AGBL1: variants seen among roughly 807,000 people sequenced by gnomAD.
AGBL1 encodes AGBL carboxypeptidase 1.
A neutral mutation model predicts 118.9 loss-of-function variants in AGBL1; 130 were observed. The observed-to-expected ratio is 1.09, with a 90% CI of 0.95 to 1.26. AGBL1 has a LOEUF of 1.26. Among genes scored for constraint, AGBL1 ranks in the 50% most tolerant of loss-of-function variants. The pLI is 0.00. For synonymous variants in AGBL1, 555 were observed against 478.9 expected (o/e 1.16, Z -2.08); for missense variants, 1,584 against 1,298.1 (o/e 1.22, Z -3.38).
At chr15:86,603,442 C>T (rs2084526520) in intron 21 of AGBL1, among the ~76,000 whole-genome samples, 2 of 151,902 alleles carry the variant, frequency 1.3e-5, no homozygotes, top group Non-Finnish European at 1.5e-5. Context: ...CGCCCCCTAC[C>T]ATCTCAAGCA....
At chr15:86,592,712 C>T (rs1293983682) in intron 21 of AGBL1, among the ~76,000 whole-genome samples, 2 of 152,182 alleles carry the variant, frequency 1.3e-5, no homozygotes, top group Non-Finnish European at 2.9e-5. Context: ...AGCCCACTCA[C>T]CCAGCTTCTG....
chr15:86,591,182 A>G (rs952430295), intron 21 of AGBL1, among the ~76,000 whole-genome samples: 1 of 152,202 alleles, frequency 6.6e-6, no homozygotes, highest in Non-Finnish European at 1.5e-5. Context: ...CATCTTTGGT[A>G]AGTGTACCTC....
chr15:86,987,783 A>G (rs2081299314), intron 23 of AGBL1, among the ~76,000 whole-genome samples: 1 of 152,156 alleles, frequency 6.6e-6, no homozygotes, highest in South Asian at 2.1e-4. Flanking sequence ...ATATTTTACC[A>G]TACATTATGT....
intron 22 of AGBL1, among the ~76,000 whole-genome samples, chr15:86,776,010 A>G (rs965848110): frequency 1.3e-5 from 2 of 152,226 alleles, no homozygotes; most frequent in Admixed American, 1.3e-4. Context: ...CAAACAACAC[A>G]TAGTTTCTTT....
At chr15:86,201,102 T>C (rs1185606803) in intron 5 of AGBL1, among the ~76,000 whole-genome samples, 1 of 152,162 alleles carries the variant, frequency 6.6e-6, no homozygotes, top group African/African-American at 2.4e-5. Flanking sequence ...TAATTATATA[T>C]GATAAATAGT....
At chr15:86,948,127 C>T (rs997501787) in intron 23 of AGBL1, among the ~76,000 whole-genome samples, 1 of 152,094 alleles carries the variant, frequency 6.6e-6, no homozygotes, top group Non-Finnish European at 1.5e-5. Context: ...CATGAGTTAG[C>T]ATGTGCAGTG....
rs535180992 is a variant in AGBL1, at chr15:86,375,481, T to C, written c.2375-21885T>C. ...GCATGGGGATCATGGGGATTACAGT[T>C]CAAGATGAGATTTGGGAGGGGACAC... On this transcript the variant is annotated intron_variant, in intron 17 of 22. Transcript: ENST00000614907. Among the ~76,000 whole-genome samples, 8 of 152,196 alleles carry C rather than the reference T, an allele frequency of 5.3e-5. No homozygotes were observed. The South Asian group carries it at 1.7e-3, about 32-fold the overall frequency.
chr15:86,827,938 C>CTGTTTTTTTTTTTTTTTTTTTTTTT (rs2079052594), intron 22 of AGBL1, among the ~76,000 whole-genome samples: 2 of 16,760 alleles, frequency 1.2e-4, no homozygotes, highest in South Asian at 2.7e-3. Context: ...TGATGTAGGG[C>CTGTTTTTTTTTTTTTTTTTTTTTTT]TTTTTTTTTT....
chr15:86,676,054 C>T (rs1268028998), intron 22 of AGBL1, among the ~76,000 whole-genome samples: 1 of 152,160 alleles, frequency 6.6e-6, no homozygotes, highest in African/African-American at 2.4e-5. Flanking sequence ...CCATTTCACA[C>T]AATTATTCAT....
intron 21 of AGBL1, among the ~76,000 whole-genome samples, chr15:86,555,680 G>C (rs192444977): frequency 6.6e-6 from 1 of 152,240 alleles, no homozygotes; most frequent in East Asian, 1.9e-4. Context: ...GTCTGAGATT[G>C]GGCATCAAGA....
intron 21 of AGBL1, among the ~76,000 whole-genome samples, chr15:86,563,048 G>A (rs1201531803): frequency 6.6e-6 from 1 of 151,554 alleles, no homozygotes; most frequent in African/African-American, 2.4e-5. Context: ...TTCTTTATTA[G>A]TCTTGCTAGC....
chr15:86,114,486 G>T (rs1427287304), intron 1 of AGBL1, among the ~76,000 whole-genome samples: 1 of 152,162 alleles, frequency 6.6e-6, no homozygotes, highest in Non-Finnish European at 1.5e-5. Flanking sequence ...AAAACAATAG[G>T]AACTTAGCTC....
intron 5 of AGBL1, among the ~76,000 whole-genome samples, chr15:86,193,713 G>A (rs1162184983): frequency 1.3e-5 from 2 of 152,124 alleles, no homozygotes; most frequent in Non-Finnish European, 2.9e-5. Flanking sequence ...TGTAGAGAAT[G>A]GTGTCTGAAG....
intron 18 of AGBL1, among the ~76,000 whole-genome samples, chr15:86,515,296 T>C (rs1405582271): frequency 6.6e-6 from 1 of 152,192 alleles, no homozygotes; most frequent in African/African-American, 2.4e-5. Flanking sequence ...GAAATTCCTC[T>C]GGAGTTTCTC....
chr15:86,262,376 G>T (rs17665718), intron 9 of AGBL1, among the ~76,000 whole-genome samples: 1 of 152,162 alleles, frequency 6.6e-6, no homozygotes, highest in East Asian at 1.9e-4. Flanking sequence ...AGTCGGTGCT[G>T]ATTAAATGTT....
At chr15:86,941,654 G>T (rs760846716) in intron 23 of AGBL1, among the ~76,000 whole-genome samples, 5 of 152,166 alleles carry the variant, frequency 3.3e-5, no homozygotes, top group Non-Finnish European at 5.9e-5. Flanking sequence ...TTTGGAATTT[G>T]CTGGAAAACT....
chr15:86,816,805 T>C (rs1192607143), intron 22 of AGBL1, among the ~76,000 whole-genome samples: 1 of 152,198 alleles, frequency 6.6e-6, no homozygotes, highest in Admixed American at 6.5e-5. Flanking sequence ...ATCTTATCTT[T>C]GAAAATACTC....
intron 22 of AGBL1, among the ~76,000 whole-genome samples, chr15:86,779,272 G>C (rs1394677067): frequency 6.6e-6 from 1 of 152,222 alleles, no homozygotes; most frequent in Non-Finnish European, 1.5e-5. Flanking sequence ...GGCCTCACCA[G>C]ACACAGAATC....
chr15:86,364,542 T>G (rs934424138), intron 17 of AGBL1, among the ~76,000 whole-genome samples: 3 of 152,250 alleles, frequency 2.0e-5, no homozygotes, highest in African/African-American at 7.2e-5. Context: ...TCCCACTGAT[T>G]GGAATGTTTT....
Sources: allele counts gnomAD v4.1 joint callset (sites outside exome capture counted in the v4.1 genomes callset), GRCh38; gene constraint gnomAD v4.1.1; transcripts MANE v1.5; gene names NCBI Gene and HGNC (gene_info 2026-07-23, HGNC 2026-07-21).